CUX1: variants seen among roughly 807,000 people sequenced by gnomAD.
The protein encoded by CUX1 is cut like homeobox 1, also known as protein CASP.
Under a neutral mutation model 158.8 loss-of-function variants are expected in CUX1, and 31 were observed. The ratio of observed to expected loss-of-function variants is 0.20; its 90% CI spans 0.15 to 0.26. The LOEUF is 0.26. Ranked by LOEUF, CUX1 falls within the 10% of genes least tolerant of loss-of-function variation. The probability of loss-of-function intolerance (pLI) is 1.00; values close to 1 mark genes in which losing one functional copy is unlikely to be tolerated. For missense variants in CUX1, 1,589 were observed against 2,014.6 expected (o/e 0.79, Z 4.04); for synonymous variants, 879 against 862.1 (o/e 1.02, Z -0.34).
chr7:102,104,282 C>T (rs1403696425), intron 5 of CUX1, 54 bp from the exon 6 acceptor site: 8 of 1,534,496 alleles, frequency 5.2e-6, no homozygotes, highest in African/African-American at 2.8e-5. Context: ...TACCTACAGC[C>T]ATATGGAATT....
At chr7:102,061,080 A>T (rs1033784948) in intron 3 of CUX1, among the ~76,000 whole-genome samples, 1 of 151,280 alleles carries the variant, frequency 6.6e-6, no homozygotes, top group African/African-American at 2.4e-5. Flanking sequence ...GTCCACCACC[A>T]TGCCTGGCTA....
At chr7:102,182,723 T>C (rs1793226419) in intron 11 of CUX1, among the ~76,000 whole-genome samples, 1 of 152,222 alleles carries the variant, frequency 6.6e-6, no homozygotes, top group Non-Finnish European at 1.5e-5. Flanking sequence ...ACAAGGCTGC[T>C]TTTTGATAAC....
At chr7:102,137,017 G>C (rs1184925067) in intron 8 of CUX1, among the ~76,000 whole-genome samples, 1 of 152,206 alleles carries the variant, frequency 6.6e-6, no homozygotes, top group Non-Finnish European at 1.5e-5. Flanking sequence ...GAATCCCTGG[G>C]ATTTGGGGAG....
chr7:102,109,144 T>C (rs1830650724), intron 6 of CUX1, among the ~76,000 whole-genome samples: 1 of 152,190 alleles, frequency 6.6e-6, no homozygotes, highest in Admixed American at 6.5e-5. Flanking sequence ...TTTATTAATA[T>C]GACTATATAA....
At chr7:102,158,021 C>T (rs782209216) in intron 8 of CUX1, among the ~76,000 whole-genome samples, 1 of 152,170 alleles carries the variant, frequency 6.6e-6, no homozygotes, top group African/African-American at 2.4e-5. Flanking sequence ...CCCTCCTCAC[C>T]TCCAGTTGGC....
At chr7:102,197,344 C>T (rs367833328) in intron 15 of CUX1, 39 bp downstream of exon 15, 11 of 1,592,972 alleles carry the variant, frequency 6.9e-6, no homozygotes, top group African/African-American at 6.7e-5. Flanking sequence ...CGTGCGAGCC[C>T]GTCACAGAGT....
Position 102,251,695 on chromosome 7 carries a change from G to A in CUX1, c.*2653G>A. On this transcript the variant is annotated 3_prime_UTR_variant, in exon 24 of 24. Coordinates refer to ENST00000292535, the MANE Select transcript of CUX1 (RefSeq NM_181552.4). ...TTAGGACAGTGAGTGGCAGAGCCCTGACGACTGTGGTGTCCTCTCCACAAA... is the reference window on the plus strand; with the variant it reads ...TTAGGACAGTGAGTGGCAGAGCCCTAACGACTGTGGTGTCCTCTCCACAAA... 1.0e-6 allele frequency: 1 copy of A among 985,406 alleles called. No individual in the cohort carries two copies. Among genetic ancestry groups the A allele is most frequent in the African/African-American group, 1.7e-5 (1 of 57,328 alleles). 61.0% of individuals were successfully genotyped at this position (985,406 alleles called of 1,614,324 possible).
chr7:101,912,891 C>T (rs973522678), intron 1 of CUX1, among the ~76,000 whole-genome samples: 14 of 152,130 alleles, frequency 9.2e-5, no homozygotes, highest in African/African-American at 2.7e-4. Context: ...ACTCTCCATA[C>T]GCCTTCTCAC....
At chr7:101,917,121 T>TGGCTCTTCCATATAAG (rs1156976377) in intron 2 of CUX1, among the ~76,000 whole-genome samples, 1 of 152,194 alleles carries the variant, frequency 6.6e-6, no homozygotes, top group Non-Finnish European at 1.5e-5. Context: ...CTCCGTATCG[T>TGGCTCTTCCATATAAG]AGCTCTTGGC....
chr7:102,156,299 G>A (rs1170601022), intron 8 of CUX1, among the ~76,000 whole-genome samples: 1 of 152,142 alleles, frequency 6.6e-6, no homozygotes, highest in Non-Finnish European at 1.5e-5. Context: ...TCACAGATCT[G>A]CAGGCTGGGA....
chr7:101,856,414 A>G (rs1403478200), intron 1 of CUX1, among the ~76,000 whole-genome samples: 1 of 152,056 alleles, frequency 6.6e-6, no homozygotes, highest in East Asian at 1.9e-4. Flanking sequence ...AGTGTTTTCC[A>G]TTCTTTCACT....
chr7:101,904,287 G>A (rs1007267726), intron 1 of CUX1, among the ~76,000 whole-genome samples: 8 of 152,134 alleles, frequency 5.3e-5, no homozygotes, highest in Non-Finnish European at 1.0e-4. Flanking sequence ...GTAACACAGT[G>A]AGACCCTGTC....
Position 102,248,771 on chromosome 7 carries a change from C to A in CUX1, c.4247C>A (p.Ala1416Asp). 1.9e-6 allele frequency: 2 copies of A among 1,040,576 alleles called. No individual in the cohort carries two copies. Among genetic ancestry groups the A allele is most frequent in the Non-Finnish European group, 2.3e-6 (2 of 865,062 alleles). The allele number at this position is 1,040,576 out of a possible 1,614,324, so 64.5% of individuals were successfully genotyped here. A position where few individuals can be genotyped will look rare whatever the true frequency, so the allele number is the denominator to read the frequency against. ...ASATATAAPAAPEDAATSAAA... is the reference protein window; with the variant it reads ...ASATATAAPADPEDAATSAAA... Reference sequence around the variant, plus strand: ...GCGACCGCCACCGCCGCGCCCGCGGCCCCCGAGGACGCCGCTACCTCAGCC... The same window carrying A: ...GCGACCGCCACCGCCGCGCCCGCGGACCCCGAGGACGCCGCTACCTCAGCC... The change falls in exon 24 of 24, where the codon GCC becomes GAC. Residue 1416 changes from alanine (A) to aspartate (D), a missense_variant. Transcript: ENST00000292535. The surrounding 1 kb of genome is among the most constrained non-coding windows in gnomAD (Gnocchi z 5.8).
chr7:102,280,943 C>A, intron 20 of CUX1: 1 of 1,362,388 alleles, frequency 7.3e-7, no homozygotes, highest in Non-Finnish European at 1.0e-6. Flanking sequence ...CCCTGCAGCC[C>A]AGGCTGGAGG....
At chr7:102,052,821 T>G (rs1823672945) in intron 3 of CUX1, among the ~76,000 whole-genome samples, 2 of 152,196 alleles carry the variant, frequency 1.3e-5, no homozygotes, top group Non-Finnish European at 2.9e-5. Context: ...TCATCTTTTT[T>G]TTGGGAGACA....
At chr7:101,850,975 G>A (rs961282014) in intron 1 of CUX1, among the ~76,000 whole-genome samples, 9 of 152,116 alleles carry the variant, frequency 5.9e-5, no homozygotes, top group Non-Finnish European at 1.5e-5. Context: ...AGGTGTGGTG[G>A]TGTGCACCTG....
chr7:101,926,502 C>A (rs541644889), intron 2 of CUX1, among the ~76,000 whole-genome samples: 1 of 152,232 alleles, frequency 6.6e-6, no homozygotes, highest in East Asian at 1.9e-4. Flanking sequence ...GTTGCCTGGG[C>A]CCAGGGACAT....
At chr7:102,089,664 A>G (rs1828322472) in intron 4 of CUX1, among the ~76,000 whole-genome samples, 1 of 152,194 alleles carries the variant, frequency 6.6e-6, no homozygotes, top group South Asian at 2.1e-4. Flanking sequence ...TTTCCTTTCT[A>G]TTCTTGCCTG....
At chr7:102,151,539 A>T (rs1340205776) in intron 8 of CUX1, among the ~76,000 whole-genome samples, 1 of 151,592 alleles carries the variant, frequency 6.6e-6, no homozygotes, top group Non-Finnish European at 1.5e-5. Flanking sequence ...GGGCAACAAG[A>T]GCGAAACTCC....
Sources: allele counts gnomAD v4.1 joint callset (sites outside exome capture counted in the v4.1 genomes callset), GRCh38; gene constraint gnomAD v4.1.1; non-coding constraint Gnocchi (gnomAD v3.1); transcripts MANE v1.5; gene names NCBI Gene and HGNC (gene_info 2026-07-23, HGNC 2026-07-21).